TERF1: variants seen among roughly 807,000 people sequenced by gnomAD.
The protein encoded by TERF1 is telomeric repeat binding factor 1.
In TERF1, 20 loss-of-function variants were observed where a neutral mutation model predicts 55.1. The observed-to-expected ratio is 0.36, with a 90% confidence interval of 0.26 to 0.53. The LOEUF (loss-of-function observed/expected upper bound fraction) is 0.53. Ranked by LOEUF, TERF1 falls within the 20% of genes least tolerant of loss-of-function variation. TERF1 has a pLI of 0.91. For synonymous variants in TERF1, 168 were observed against 181.2 expected (o/e 0.93, Z 0.59); for missense variants, 439 against 535.7 (o/e 0.82, Z 1.78).
At chr8:73,019,430 C>G (rs1369818762) in intron 2 of TERF1, among the ~76,000 whole-genome samples, 1 of 152,146 alleles carries the variant, frequency 6.6e-6, no homozygotes. Context: ...TACATGCAGT[C>G]CATTAGCAGG....
At chr8:73,022,912 A>G (rs1413870795) in intron 4 of TERF1, among the ~76,000 whole-genome samples, 2 of 152,306 alleles carry the variant, frequency 1.3e-5, no homozygotes, top group East Asian at 3.9e-4. Flanking sequence ...AGCCTAAGCA[A>G]CAGAGAGAGA....
chr8:73,025,452 A>C (rs2129797282), intron 5 of TERF1, among the ~76,000 whole-genome samples: 1 of 151,062 alleles, frequency 6.6e-6, no homozygotes, highest in Middle Eastern at 3.4e-3. Context: ...TCTACAAAAA[A>C]ATACAAAAAA....
At chr8:73,023,872 ACTT>A (rs1473778993) in intron 4 of TERF1, among the ~76,000 whole-genome samples, 1 of 152,214 alleles carries the variant, frequency 6.6e-6, no homozygotes, top group African/African-American at 2.4e-5. Context: ...GTAAATTGGT[ACTT>A]CTTTGGGAGA....
At chr8:73,028,750 A>ATGAAGTCTTG (rs1809144694) in intron 6 of TERF1, among the ~76,000 whole-genome samples, 4 of 152,144 alleles carry the variant, frequency 2.6e-5, no homozygotes, top group Admixed American at 1.3e-4. Context: ...CTCAGAGATC[A>ATGAAGTCTTG]CCTATATGAA....
chr8:73,030,234 A>T, intron 6 of TERF1, 102 bp from the exon 7 acceptor site: 1 of 746,408 alleles, frequency 1.3e-6, no homozygotes, highest in Non-Finnish European at 2.1e-6. Context: ...TTCCAAAGTT[A>T]TTTTTTTATA....
rs1243564657 is a variant in TERF1, at chr8:73,021,695, C to A, written c.538-521C>A. Among the ~76,000 whole-genome samples the A allele has an allele frequency of 3.3e-5, 5 of 151,838 alleles. No individual in the cohort carries two copies. The East Asian group carries it at 9.7e-4, about 29-fold the overall frequency. ...TAGCTTACCAAGTTTACATAGCTAC[C>A]CAAATGGTAAGTGGTCCTGTCTTAC... On this transcript the variant is annotated intron_variant, in intron 3 of 9. Coordinates refer to ENST00000276603, the MANE Select transcript of TERF1 (RefSeq NM_017489.3).
At chr8:73,038,450 C>T (rs775422610) in intron 8 of TERF1, among the ~76,000 whole-genome samples, 2 of 151,414 alleles carry the variant, frequency 1.3e-5, no homozygotes, top group African/African-American at 4.9e-5. Flanking sequence ...AGAGAGAGAC[C>T]CTATCTCTTA....
chr8:73,033,295 TAA>T (rs1809371592), intron 8 of TERF1, among the ~76,000 whole-genome samples: 4 of 152,256 alleles, frequency 2.6e-5, no homozygotes, highest in Admixed American at 2.0e-4. Context: ...GGAAACTCAG[TAA>T]AGTTATGTGC....
rs1259229932 is a variant in TERF1, at chr8:73,037,079, C to T, written c.1040-2037C>T. The stretch of plus-strand genomic sequence containing the variant: ...AATTATAATATATATAATAATTATA[C>T]TACATATAATATATATCATATATTA... On this transcript the variant is annotated intron_variant, in intron 8 of 9. Coordinates refer to ENST00000276603, the MANE Select transcript of TERF1 (RefSeq NM_017489.3). Among the ~76,000 whole-genome samples the T allele has an allele frequency of 2.3e-4, 30 of 129,836 alleles. No individual in the cohort carries two copies. In the South Asian group the frequency reaches 6.0e-3, roughly 26 times the overall value. 85.2% of individuals were successfully genotyped at this position (129,836 alleles called of 152,430 possible). A position where few individuals can be genotyped will look rare whatever the true frequency, so the allele number is the denominator to read the frequency against.
intron 8 of TERF1, among the ~76,000 whole-genome samples, chr8:73,037,000 G>C (rs1809541679): frequency 7.4e-6 from 1 of 135,916 alleles, no homozygotes; most frequent in Non-Finnish European, 1.5e-5. Flanking sequence ...CCACAGTATG[G>C]TTTATATGTA....
intron 8 of TERF1, among the ~76,000 whole-genome samples, chr8:73,037,213 A>G (rs1045797011): frequency 5.9e-5 from 8 of 136,068 alleles, no homozygotes; most frequent in African/African-American, 2.2e-4. Context: ...TATAATTTAT[A>G]TATAATTATA....
Position 73,046,752 on chromosome 8 carries a change from C to T in TERF1, c.*615C>T, listed in dbSNP as rs1252236961. ...TTCATGATCCACCCACCTCGGCCTC[C>T]CAAAGTGCTGAGATTACAGACGTGA... On this transcript the variant is annotated 3_prime_UTR_variant, in exon 10 of 10. Transcript: ENST00000276603. 1 of 152,084 alleles carries T rather than the reference C, an allele frequency of 6.6e-6. No individual in the cohort carries two copies. The highest frequency in any genetic ancestry group is 1.5e-5 in the Non-Finnish European group (1 of 68,030). The allele number at this position is 152,084 out of a possible 1,614,324, so 9.4% of individuals were successfully genotyped here. A position where few individuals can be genotyped will look rare whatever the true frequency, so the allele number is the denominator to read the frequency against.
chr8:73,042,763 AGCCTT>A (rs1281912660), intron 9 of TERF1: 1 of 152,210 alleles, frequency 6.6e-6, no homozygotes, highest in Non-Finnish European at 1.5e-5. Flanking sequence ...TGTAATCTCT[AGCCTT>A]GGGAAAGAAA....
Position 73,031,869 on chromosome 8 carries a change from A to G in TERF1, c.948-173A>G, listed in dbSNP as rs562236279. 105 of 407,098 alleles carry G rather than the reference A, an allele frequency of 2.6e-4. 2 individuals are homozygous for G. The highest frequency in any genetic ancestry group is 7.3e-5 in the East Asian group (2 of 27,354). 25.2% of individuals were successfully genotyped at this position (407,098 alleles called of 1,614,324 possible). On this transcript the variant is annotated intron_variant, in intron 7 of 9. Transcript: ENST00000276603. ...GGAGAAAGATGAGACAGGCAACAGA[A>G]ATCTTAAGAGGCCACAGGTTAAGAT...
At chr8:73,015,996 T>G (rs1808486083) in intron 2 of TERF1, among the ~76,000 whole-genome samples, 1 of 152,196 alleles carries the variant, frequency 6.6e-6, no homozygotes, top group South Asian at 2.1e-4. Context: ...GGCTCACACC[T>G]GTAATCCCAG....
intron 8 of TERF1, among the ~76,000 whole-genome samples, chr8:73,036,811 ATTG>A (rs984102763): frequency 7.2e-6 from 1 of 139,608 alleles, no homozygotes; most frequent in East Asian, 2.2e-4. Context: ...CACTTTTATT[ATTG>A]TAGTTATATA....
Position 73,021,388 on chromosome 8 carries a change from C to T in TERF1, c.537+583C>T, listed in dbSNP as rs147316321. Among the ~76,000 whole-genome samples, 511 of 152,198 alleles carry T rather than the reference C, an allele frequency of 3.4e-3. 5 individuals carry two copies. Among genetic ancestry groups the T allele is most frequent in the South Asian group, 0.013 (64 of 4,828 alleles). On this transcript the variant is annotated intron_variant, in intron 3 of 9. Transcript: ENST00000276603. ...GAGGAAAAGAAAATAGGCAGAAAAACGACTGCTTCCTTTATGAATTCAACC... is the reference window on the plus strand; with the variant it reads ...GAGGAAAAGAAAATAGGCAGAAAAATGACTGCTTCCTTTATGAATTCAACC...
chr8:73,039,257 C>T (rs753437241), intron 9 of TERF1, 38 bp downstream of exon 9: 1 of 1,353,258 alleles, frequency 7.4e-7, no homozygotes, highest in Non-Finnish European at 1.0e-6. Flanking sequence ...CGCTTATGGA[C>T]ATTAAAGTTA....
chr8:73,020,221 A>G (rs1808691477), intron 2 of TERF1, among the ~76,000 whole-genome samples: 1 of 152,198 alleles, frequency 6.6e-6, no homozygotes, highest in Non-Finnish European at 1.5e-5. Context: ...TTTGTTCTGA[A>G]TAACTTGATC....
Sources: gnomAD v4.1 joint callset for allele counts (sites outside exome capture counted in the v4.1 genomes callset) on GRCh38, gnomAD v4.1.1 for gene constraint, MANE v1.5 for transcripts, NCBI Gene and HGNC (gene_info 2026-07-23, HGNC 2026-07-21) for gene names.